Variants in PCDH15 observed in about 807,000 individuals in gnomAD.
PCDH15 encodes the protein protocadherin-15.
PCDH15 carries 129 observed loss-of-function variants against 178.5 expected under a neutral mutation model. The observed-to-expected ratio is 0.72, with a 90% CI of 0.63 to 0.84. The LOEUF is 0.84. PCDH15 is among the 40% of genes least tolerant of loss of function. PCDH15 has a pLI of 0.00. For synonymous variants in PCDH15, 800 were observed against 732.0 expected, an observed-to-expected ratio of 1.09 and a Z score of -1.50; for missense variants, 2,230 against 2,099.9, an observed-to-expected ratio of 1.06 and a Z score of -1.21.
intron 1 of PCDH15, among the ~76,000 whole-genome samples, chr10:54,714,711 T>G (rs11004469): frequency 0.12 from 18,506 of 152,148 alleles, 1,245 homozygotes; most frequent in African/African-American, 0.17. Context: ...CCATGGCTAA[T>G]AGATTTAACA....
intron 2 of PCDH15, among the ~76,000 whole-genome samples, chr10:55,434,610 A>AT (rs1258536148): frequency 2.0e-4 from 13 of 64,858 alleles, no homozygotes; most frequent in Admixed American, 3.1e-4. Flanking sequence ...TCATGACATT[A>AT]ATTTTTTTTT....
At chr10:54,720,518 C>CAAAAA (rs34014038) in intron 1 of PCDH15, among the ~76,000 whole-genome samples, 14,152 of 148,672 alleles carry the variant, frequency 0.095, 701 homozygotes, top group Admixed American at 0.11. Flanking sequence ...TAGTCTCTTC[C>CAAAAA]AAAAAAAAAT....
intron 24 of PCDH15, 106 bp downstream of exon 24, chr10:53,940,760 T>G (rs2085987322): frequency 2.3e-6 from 2 of 861,554 alleles, no homozygotes; most frequent in South Asian, 2.9e-5. Context: ...GGGCACAATT[T>G]TATTAGAAAA....
chr10:54,103,737 C>A (rs1265825488), intron 15 of PCDH15, among the ~76,000 whole-genome samples: 1 of 152,096 alleles, frequency 6.6e-6, no homozygotes, highest in Non-Finnish European at 1.5e-5. Flanking sequence ...GCTAACCAGA[C>A]AAATAAATTA....
intron 2 of PCDH15, among the ~76,000 whole-genome samples, chr10:55,416,979 T>A (rs1589006556): frequency 6.6e-6 from 1 of 151,750 alleles, no homozygotes; most frequent in African/African-American, 2.4e-5. Context: ...TAAAGACATA[T>A]GAAAAGCAAA....
At chr10:54,038,472 C>CT (rs1367553656) in intron 18 of PCDH15, among the ~76,000 whole-genome samples, 1 of 151,922 alleles carries the variant, frequency 6.6e-6, no homozygotes, top group Non-Finnish European at 1.5e-5. Context: ...GCAGGGTCAA[C>CT]TACAGCCTTG....
At chr10:55,392,641 TAGTC>T (rs1384229713) in intron 2 of PCDH15, among the ~76,000 whole-genome samples, 5 of 152,128 alleles carry the variant, frequency 3.3e-5, no homozygotes, top group African/African-American at 4.8e-5. Context: ...TATGAGCAGA[TAGTC>T]AGGCCAAGCA....
chr10:55,489,305 T>C (rs979280413), intron 2 of PCDH15, among the ~76,000 whole-genome samples: 1 of 151,610 alleles, frequency 6.6e-6, no homozygotes, highest in African/African-American at 2.4e-5. Context: ...GTCAGAAATA[T>C]AACAGGTTAG....
Position 54,825,306 on chromosome 10 carries a change from C to A in PCDH15, c.-29+72144G>T, listed in dbSNP as rs557882641. On this transcript the variant is annotated intron_variant, in intron 3 of 5. Coordinates refer to the PCDH15 transcript ENST00000458638. ...CATTTGGGTTGGTTCCAAGTCTTTG[C>A]TATTGTGAATAGTGCCGCAATAAAC... Among the ~76,000 whole-genome samples the A allele has an allele frequency of 5.4e-4, 81 of 150,334 alleles. 1 individual carries two copies. The East Asian group carries it at 0.016, about 29-fold the overall frequency.
At chr10:54,602,383 T>C (rs2092579419) in intron 2 of PCDH15, among the ~76,000 whole-genome samples, 1 of 151,996 alleles carries the variant, frequency 6.6e-6, no homozygotes, top group African/African-American at 2.4e-5. Context: ...GCATTTTTGG[T>C]TGTCATTGAG....
intron 15 of PCDH15, among the ~76,000 whole-genome samples, chr10:54,130,082 C>A (rs936639086): frequency 1.3e-5 from 2 of 151,828 alleles, no homozygotes; most frequent in South Asian, 2.1e-4. Flanking sequence ...TATTTAGTAC[C>A]CTTGCCTCAT....
At chr10:55,085,090 A>T (rs1388240709) in intron 2 of PCDH15, among the ~76,000 whole-genome samples, 1 of 152,016 alleles carries the variant, frequency 6.6e-6, no homozygotes, top group Non-Finnish European at 1.5e-5. Flanking sequence ...TACCCCAAAG[A>T]AAGAAAATCA....
intron 3 of PCDH15, among the ~76,000 whole-genome samples, chr10:54,484,826 A>G (rs927747735): frequency 2.6e-5 from 4 of 151,952 alleles, no homozygotes; most frequent in African/African-American, 9.7e-5. Flanking sequence ...GCCTTGTTTG[A>G]TAGTGTTAAC....
chr10:54,667,119 A>C (rs1410929904), intron 1 of PCDH15, among the ~76,000 whole-genome samples: 1 of 152,142 alleles, frequency 6.6e-6, no homozygotes, highest in East Asian at 1.9e-4. Context: ...GAAGGAGATA[A>C]TTTTAGGGGA....
At chr10:53,857,885 A>T (rs1016794617) in intron 27 of PCDH15, among the ~76,000 whole-genome samples, 1 of 152,084 alleles carries the variant, frequency 6.6e-6, no homozygotes, top group African/African-American at 2.4e-5. Flanking sequence ...GAAAAATAGA[A>T]GAAAAATAAA....
rs1589137957 is a variant in PCDH15 at position 53,861,914 on chromosome 10, T to C, written c.3718-4651A>G. ...GTCTCTGCTGCAAACTCACATTTTA[T>C]TAAATAAAAGAGGTGTTTTAATAGT... On this transcript the variant is annotated intron_variant, in intron 27 of 37. Coordinates refer to ENST00000644397, the MANE Select transcript of PCDH15 (RefSeq NM_001384140.1). 2.0e-5 allele frequency among the ~76,000 whole-genome samples: 3 copies of C among 152,130 alleles called. No individual in the cohort carries two copies. In the East Asian group the frequency reaches 5.8e-4, roughly 29 times the overall value.
rs781522540 is a variant in PCDH15, at chr10:53,840,340, G to T, written c.3963C>A (p.Ile1321=). Residue 1321 remains isoleucine, a synonymous_variant, in exon 29 of 38, where the codon ATC becomes ATA. Transcript: ENST00000644397. ...YAIDPQTNRA[I]DRNELFKFLD... ...CTTACTTAAAAAGCTCATTTCTATC[G>T]ATGGCTCTGTTGGTTTGGGGGTCAA... The T allele has an allele frequency of 1.2e-6, 2 of 1,614,104 alleles. No individual in the cohort carries two copies. The highest frequency in any genetic ancestry group is 1.7e-6 in the Non-Finnish European group (2 of 1,179,992).
chr10:55,338,669 G>T (rs540863217), intron 2 of PCDH15, among the ~76,000 whole-genome samples: 2 of 152,118 alleles, frequency 1.3e-5, no homozygotes, highest in Non-Finnish European at 2.9e-5. Context: ...TTGGGATGCT[G>T]AAGCAGGGGA....
chr10:54,711,875 T>A (rs987919518), intron 1 of PCDH15, among the ~76,000 whole-genome samples: 19 of 152,104 alleles, frequency 1.2e-4, no homozygotes, highest in African/African-American at 4.6e-4. Flanking sequence ...TTAAACCATT[T>A]TGCAATGTAT....
Sources: gnomAD v4.1 joint callset for allele counts (sites outside exome capture counted in the v4.1 genomes callset) on GRCh38, gnomAD v4.1.1 for gene constraint, MANE v1.5 for transcripts, NCBI Gene and HGNC (gene_info 2026-07-23, HGNC 2026-07-21) for gene names.